The following NRXN3 variants were observed in gnomAD, a reference collection of about 807,000 sequenced individuals.
The protein encoded by NRXN3 is neurexin 3.
Under a neutral mutation model 137.6 loss-of-function variants are expected in NRXN3, and 32 were observed. The observed-to-expected ratio is 0.23, with a 90% CI of 0.18 to 0.31. The LOEUF is 0.31. Among genes scored for constraint, NRXN3 ranks in the 10% least tolerant of loss-of-function variants. The pLI, the probability that NRXN3 is intolerant of heterozygous loss-of-function variation, is 1.00. For synonymous variants in NRXN3, 798 were observed against 784.5 expected, an observed-to-expected ratio of 1.02 and a Z score of -0.29; for missense variants, 1,574 against 2,062.5, an observed-to-expected ratio of 0.76 and a Z score of 4.59.
At chr14:78,623,108 T>G (rs189036980) in intron 4 of NRXN3, among the ~76,000 whole-genome samples, 22 of 152,326 alleles carry the variant, frequency 1.4e-4, no homozygotes, top group African/African-American at 4.1e-4. Flanking sequence ...TCACATGACT[T>G]CTAAGGAAGG....
At chr14:79,776,788 T>C (rs2099098498) in intron 19 of NRXN3, among the ~76,000 whole-genome samples, 1 of 152,182 alleles carries the variant, frequency 6.6e-6, no homozygotes, top group African/African-American at 2.4e-5. Context: ...TTTTTCCCAA[T>C]GTACTGGGGA....
At chr14:78,329,739 G>A (rs2080557181) in intron 4 of NRXN3, among the ~76,000 whole-genome samples, 1 of 152,084 alleles carries the variant, frequency 6.6e-6, no homozygotes, top group South Asian at 2.1e-4. Flanking sequence ...AGGTTTTTTG[G>A]GGAAGTTGGG....
intron 15 of NRXN3, among the ~76,000 whole-genome samples, chr14:79,284,941 A>G (rs964637377): frequency 2.0e-5 from 3 of 152,158 alleles, no homozygotes; most frequent in Admixed American, 6.5e-5. Flanking sequence ...GGCCTTGGTG[A>G]TGAATTAATT....
intron 15 of NRXN3, among the ~76,000 whole-genome samples, chr14:79,071,130 A>C (rs1244429689): frequency 7.1e-6 from 1 of 140,022 alleles, no homozygotes; most frequent in Non-Finnish European, 1.5e-5. Flanking sequence ...AAATACCCCT[A>C]AGTATGTTTC....
intron 4 of NRXN3, among the ~76,000 whole-genome samples, chr14:78,500,046 G>C (rs892140992): frequency 5.3e-5 from 8 of 152,260 alleles, no homozygotes; most frequent in African/African-American, 1.7e-4. Context: ...AGGAGGTGGG[G>C]ACCATTGAGG....
intron 2 of NRXN3, among the ~76,000 whole-genome samples, chr14:78,260,761 C>T (rs2070569140): frequency 6.6e-6 from 1 of 152,194 alleles, no homozygotes; most frequent in South Asian, 2.1e-4. Flanking sequence ...CCTCCCCAGC[C>T]ATGTGGAACT....
chr14:78,508,749 T>G (rs2096047694), intron 4 of NRXN3, among the ~76,000 whole-genome samples: 1 of 152,170 alleles, frequency 6.6e-6, no homozygotes. Context: ...GCCACCATGG[T>G]GAATCCTTCA....
rs1024354812 is a variant in NRXN3, at chr14:78,378,012, A to C, written c.757+80152A>C. On this transcript the variant is annotated intron_variant, in intron 4 of 20. Coordinates refer to ENST00000335750, the MANE Select transcript of NRXN3 (RefSeq NM_001330195.2). ...TAGAACATATACCAAGATAGACCACATCCTGGGCCATAAAACAAACCTCAA... is the reference window on the plus strand; with the variant it reads ...TAGAACATATACCAAGATAGACCACCTCCTGGGCCATAAAACAAACCTCAA... 3.3e-5 allele frequency among the ~76,000 whole-genome samples: 5 copies of C among 152,338 alleles called. No individual in the cohort carries two copies. The South Asian group carries it at 1.0e-3, about 32-fold the overall frequency.
intron 12 of NRXN3, among the ~76,000 whole-genome samples, chr14:78,966,664 T>C (rs1317244072): frequency 6.6e-6 from 1 of 152,184 alleles, no homozygotes; most frequent in Non-Finnish European, 1.5e-5. Context: ...TTTAAAACTA[T>C]TGAAGAAAAG....
At chr14:79,294,135 A>G (rs1223508068) in intron 15 of NRXN3, among the ~76,000 whole-genome samples, 1 of 152,220 alleles carries the variant, frequency 6.6e-6, no homozygotes, top group African/African-American at 2.4e-5. Context: ...GTTTAGGAGC[A>G]TGACACTAAA....
chr14:79,683,320 A>C (rs557921132), intron 17 of NRXN3, among the ~76,000 whole-genome samples: 165 of 152,192 alleles, frequency 1.1e-3, no homozygotes, highest in Non-Finnish European at 1.6e-3. Context: ...GCTGAGAACT[A>C]ACCTGGGCTC....
Position 78,966,271 on chromosome 14 carries a change from A to G in NRXN3, c.2642A>G (p.Tyr881Cys). The G allele has an allele frequency of 1.2e-6, 2 of 1,614,202 alleles. No individual in the cohort carries two copies. Among genetic ancestry groups the G allele is most frequent in the Non-Finnish European group, 1.7e-6 (2 of 1,180,030 alleles). ...DPVTFKTKSS[Y>C]LSLATLQAYT... ...GTCACCTTTAAGACCAAGAGCAGCT[A>G]CCTGAGCCTTGCCACTCTTCAGGCT... is the stretch of plus-strand genomic sequence containing the variant. Residue 881 changes from tyrosine to cysteine, a missense_variant, in exon 12 of 21, where the codon TAC becomes TGC. Physicochemically the swap from Tyr to Cys is radical, Grantham distance 194. This residue lies in a region of NRXN3 where 718 missense variants were observed against 887.6 expected (regional missense o/e 0.81). Transcript: ENST00000335750.
chr14:78,254,583 G>T (rs552745362), intron 2 of NRXN3, among the ~76,000 whole-genome samples: 1 of 151,862 alleles, frequency 6.6e-6, no homozygotes, highest in Admixed American at 6.6e-5. Context: ...GGAGGCTGAG[G>T]CAGGAGAATC....
At chr14:79,770,255 A>G (rs958213621) in intron 19 of NRXN3, among the ~76,000 whole-genome samples, 3 of 152,140 alleles carry the variant, frequency 2.0e-5, no homozygotes, top group Non-Finnish European at 4.4e-5. Context: ...AATTGAACTC[A>G]GCTCTGCACC....
At chr14:79,187,203 G>A (rs538456758) in intron 15 of NRXN3, among the ~76,000 whole-genome samples, 3 of 152,186 alleles carry the variant, frequency 2.0e-5, no homozygotes, top group Non-Finnish European at 4.4e-5. Flanking sequence ...AGTGTACCAT[G>A]AGCGGAGTCA....
At chr14:79,808,625 C>T (rs551620579) in intron 20 of NRXN3, among the ~76,000 whole-genome samples, 7 of 152,054 alleles carry the variant, frequency 4.6e-5, no homozygotes, top group East Asian at 1.9e-4. Flanking sequence ...ACTTTGCCAG[C>T]GAGTTTATTA....
At chr14:79,699,438 C>T (rs1400921165) in intron 19 of NRXN3, among the ~76,000 whole-genome samples, 2 of 151,958 alleles carry the variant, frequency 1.3e-5, no homozygotes, top group Non-Finnish European at 2.9e-5. Context: ...GCTTTTTCTT[C>T]ATAGGAATGG....
At chr14:78,357,212 A>G (rs2084439832) in intron 4 of NRXN3, among the ~76,000 whole-genome samples, 2 of 152,240 alleles carry the variant, frequency 1.3e-5, no homozygotes, top group Admixed American at 6.5e-5. Flanking sequence ...GGGGGAAGAC[A>G]AGGAGGAGCA....
chr14:78,772,225 A>G (rs2098730647), intron 8 of NRXN3, among the ~76,000 whole-genome samples: 1 of 152,208 alleles, frequency 6.6e-6, no homozygotes, highest in African/African-American at 2.4e-5. Flanking sequence ...GGCAAGTGAC[A>G]CTGGTTTCAA....
Sources: allele counts gnomAD v4.1 joint callset (sites outside exome capture counted in the v4.1 genomes callset), GRCh38; gene constraint gnomAD v4.1.1; regional missense constraint gnomAD v4.1.1; transcripts MANE v1.5; gene names NCBI Gene and HGNC (gene_info 2026-07-23, HGNC 2026-07-21).